The following PRIMA1 variants were observed in gnomAD, a reference collection of about 807,000 sequenced individuals.
The protein encoded by PRIMA1 is proline rich membrane anchor 1.
Under a neutral mutation model 17.5 loss-of-function variants are expected in PRIMA1, and 7 were observed. The ratio of observed to expected loss-of-function variants is 0.40; its 90% CI spans 0.23 to 0.75. PRIMA1 has a LOEUF of 0.75. Ranked by LOEUF, PRIMA1 falls within the 30% of genes least tolerant of loss-of-function variation. PRIMA1 has a pLI of 0.37. For missense variants in PRIMA1, 200 were observed against 201.8 expected, an observed-to-expected ratio of 0.99 and a Z score of 0.05; for synonymous variants, 97 against 77.9, an observed-to-expected ratio of 1.25 and a Z score of -1.29.
chr14:93,744,982 C>G (rs989710427), intron 3 of PRIMA1, among the ~76,000 whole-genome samples: 1 of 151,410 alleles, frequency 6.6e-6, no homozygotes, highest in Non-Finnish European at 1.5e-5. Context: ...GCACTGTAGC[C>G]TAAACGGGTC....
intron 4 of PRIMA1, among the ~76,000 whole-genome samples, chr14:93,731,892 G>A (rs73336272): frequency 0.099 from 15,028 of 152,256 alleles, 850 homozygotes; most frequent in Middle Eastern, 0.13. Flanking sequence ...AAAAGTGCTC[G>A]TTCTACTGAA....
At chr14:93,781,078 C>T in intron 2 of PRIMA1, among the ~76,000 whole-genome samples, 1 of 152,222 alleles carries the variant, frequency 6.6e-6, no homozygotes, top group East Asian at 1.9e-4. Context: ...GCTGGGGTGG[C>T]AGCGGGAAGT....
intron 3 of PRIMA1, among the ~76,000 whole-genome samples, chr14:93,761,783 G>A (rs1197426290): frequency 6.6e-6 from 1 of 152,172 alleles, no homozygotes; most frequent in Non-Finnish European, 1.5e-5. Context: ...ATAAATGACT[G>A]AACGGACCTC....
At chr14:93,742,796 T>C (rs1296217809) in intron 3 of PRIMA1, among the ~76,000 whole-genome samples, 3 of 152,178 alleles carry the variant, frequency 2.0e-5, no homozygotes, top group Non-Finnish European at 4.4e-5. Context: ...TTCAAGACAC[T>C]GCTAGGCACA....
chr14:93,724,193 CAT>C (rs2076060435), intron 4 of PRIMA1, among the ~76,000 whole-genome samples: 1 of 152,214 alleles, frequency 6.6e-6, no homozygotes, highest in Admixed American at 6.5e-5. Flanking sequence ...CAGGTATTCC[CAT>C]ATGAGCTCTG....
intron 3 of PRIMA1, among the ~76,000 whole-genome samples, chr14:93,768,446 G>A (rs1248273125): frequency 6.6e-6 from 1 of 152,136 alleles, no homozygotes; most frequent in African/African-American, 2.4e-5. Context: ...TGATTCATGC[G>A]AGCATCACCT....
chr14:93,779,515 G>T (rs1050706348), intron 2 of PRIMA1, among the ~76,000 whole-genome samples: 2 of 152,138 alleles, frequency 1.3e-5, no homozygotes, highest in African/African-American at 4.8e-5. Flanking sequence ...TGGAGACCAA[G>T]GTTTTCTTCC....
At chr14:93,738,481 G>A (rs182725141) in intron 3 of PRIMA1, among the ~76,000 whole-genome samples, 3 of 152,318 alleles carry the variant, frequency 2.0e-5, no homozygotes, top group Admixed American at 6.5e-5. Context: ...TGGATGGATG[G>A]ACAGAGAGAC....
At chr14:93,731,556 T>C (rs1279518989) in intron 4 of PRIMA1, among the ~76,000 whole-genome samples, 1 of 152,240 alleles carries the variant, frequency 6.6e-6, no homozygotes, top group Non-Finnish European at 1.5e-5. Context: ...TACTTTCTAA[T>C]CATTAAGCTG....
At chr14:93,738,898 T>C (rs952948150) in intron 3 of PRIMA1, among the ~76,000 whole-genome samples, 1 of 152,242 alleles carries the variant, frequency 6.6e-6, no homozygotes, top group Non-Finnish European at 1.5e-5. Context: ...GACATTCACA[T>C]ACATGGAATC....
chr14:93,747,803 GACT>G (rs2076230550), intron 3 of PRIMA1, among the ~76,000 whole-genome samples: 2 of 150,112 alleles, frequency 1.3e-5, no homozygotes, highest in African/African-American at 4.9e-5. Flanking sequence ...AGTGTAAGGG[GACT>G]GAGTGTGTGG....
chr14:93,725,967 G>C, intron 4 of PRIMA1: 1 of 456,566 alleles, frequency 2.2e-6, no homozygotes, highest in Non-Finnish European at 4.4e-6. Flanking sequence ...CCTGGTCCAG[G>C]CAGAGATGGC....
intron 3 of PRIMA1, among the ~76,000 whole-genome samples, chr14:93,749,620 C>A (rs1195584824): frequency 6.6e-6 from 1 of 152,182 alleles, no homozygotes; most frequent in Non-Finnish European, 1.5e-5. Flanking sequence ...ATGAGCTCAT[C>A]TTTGCTTGTG....
intron 4 of PRIMA1, among the ~76,000 whole-genome samples, chr14:93,736,387 G>A (rs1239815229): frequency 6.6e-6 from 1 of 152,238 alleles, no homozygotes; most frequent in Non-Finnish European, 1.5e-5. Flanking sequence ...GAACGTTGGT[G>A]AGGAGAACCC....
chr14:93,762,682 G>A (rs1332943083), intron 3 of PRIMA1, among the ~76,000 whole-genome samples: 1 of 152,110 alleles, frequency 6.6e-6, no homozygotes, highest in Non-Finnish European at 1.5e-5. Flanking sequence ...CAGCACAGCA[G>A]CCAGACTGTC....
rs549743481 is a variant in PRIMA1 at position 93,719,912 on chromosome 14, A to T, written c.*1532T>A. Reference sequence around the variant, plus strand: ...TGACCTGGGCAGGACAATGACACACAGACAGCTCCGTGGGCACTAGGACTC... The same window carrying T: ...TGACCTGGGCAGGACAATGACACACTGACAGCTCCGTGGGCACTAGGACTC... On this transcript the variant is annotated 3_prime_UTR_variant, in exon 5 of 5. Coordinates refer to ENST00000393140, the MANE Select transcript of PRIMA1 (RefSeq NM_178013.4). 3.9e-5 allele frequency: 6 copies of T among 152,394 alleles called. No homozygotes were observed. Among genetic ancestry groups the T allele is most frequent in the African/African-American group, 1.4e-4 (6 of 41,576 alleles). The allele number at this position is 152,394 out of a possible 1,614,324, so 9.4% of individuals were successfully genotyped here. A position where few individuals can be genotyped will look rare whatever the true frequency, so the allele number is the denominator to read the frequency against.
chr14:93,769,448 C>T (rs1182022578), intron 3 of PRIMA1, among the ~76,000 whole-genome samples: 1 of 152,230 alleles, frequency 6.6e-6, no homozygotes, highest in Non-Finnish European at 1.5e-5. Context: ...GAGCATTCAA[C>T]ACCCCGAGGC....
At chr14:93,734,118 G>T (rs144308933) in intron 4 of PRIMA1, among the ~76,000 whole-genome samples, 2 of 152,308 alleles carry the variant, frequency 1.3e-5, no homozygotes, top group African/African-American at 4.8e-5. Flanking sequence ...GGACTATGAA[G>T]ACCTCGAGGT....
intron 4 of PRIMA1, among the ~76,000 whole-genome samples, chr14:93,724,256 T>A (rs2076060951): frequency 6.6e-6 from 1 of 152,230 alleles, no homozygotes; most frequent in Non-Finnish European, 1.5e-5. Context: ...TTAGAGATTC[T>A]GCAGAGTCCT....
Sources: gnomAD v4.1 joint callset for allele counts (sites outside exome capture counted in the v4.1 genomes callset) on GRCh38, gnomAD v4.1.1 for gene constraint, MANE v1.5 for transcripts, NCBI Gene and HGNC (gene_info 2026-07-23, HGNC 2026-07-21) for gene names.